TNFRSF9: variants seen among roughly 807,000 people sequenced by gnomAD.
The protein encoded by TNFRSF9 is tumor necrosis factor receptor superfamily member 9.
A neutral mutation model predicts 28.8 loss-of-function variants in TNFRSF9; 16 were observed. The observed-to-expected ratio is 0.55, with a 90% CI of 0.38 to 0.84. TNFRSF9 has a LOEUF of 0.84. Among genes scored for constraint, TNFRSF9 ranks in the 40% least tolerant of loss-of-function variants. TNFRSF9 has a pLI of 0.00. For missense variants in TNFRSF9, 303 were observed against 315.0 expected (o/e 0.96, Z 0.29); for synonymous variants, 131 against 117.0 (o/e 1.12, Z -0.77).
At chr1:7,924,678 C>A (rs1639613960) in intron 7 of TNFRSF9, among the ~76,000 whole-genome samples, 1 of 151,996 alleles carries the variant, frequency 6.6e-6, no homozygotes, top group South Asian at 2.1e-4. Context: ...AATTGTAAAA[C>A]AGCCTCAGGC....
chr1:7,924,238 T>C (rs1285737468), intron 7 of TNFRSF9, among the ~76,000 whole-genome samples: 1 of 149,456 alleles, frequency 6.7e-6, no homozygotes, highest in Non-Finnish European at 1.5e-5. Flanking sequence ...ATGACTATGT[T>C]AGTAGTTTAT....
chr1:7,916,738 A>G lies in TNFRSF9; in HGVS notation c.*4097T>C, dbSNP rs565659134. The stretch of plus-strand genomic sequence containing the variant: ...CTTCCTAAGCTTTGCTTTGCCTACT[A>G]TTTGGCAAGAATTGTACAGCCAATA... On this transcript the variant is annotated 3_prime_UTR_variant, in exon 8 of 8. Transcript: ENST00000377507. 4.6e-5 allele frequency: 7 copies of G among 152,296 alleles called. No homozygotes were observed. The highest frequency in any genetic ancestry group is 1.4e-4 in the African/African-American group (6 of 41,568). 9.4% of individuals were successfully genotyped at this position (152,296 alleles called of 1,614,324 possible). A position where few individuals can be genotyped will look rare whatever the true frequency, so the allele number is the denominator to read the frequency against.
chr1:7,921,628 A>C (rs945341557), intron 7 of TNFRSF9, among the ~76,000 whole-genome samples: 3 of 152,154 alleles, frequency 2.0e-5, no homozygotes, highest in Non-Finnish European at 4.4e-5. Flanking sequence ...AGATTGCGCC[A>C]CTGCACTCCA....
chr1:7,938,695 A>T, intron 3 of TNFRSF9, 26 bp downstream of exon 3: 1 of 1,531,608 alleles, frequency 6.5e-7, no homozygotes, highest in Non-Finnish European at 8.9e-7. Context: ...ATCTTCTAGA[A>T]GAAGAAAATA....
At position 7,917,995 on chromosome 1, in the gene TNFRSF9, G is replaced by C. The variant is rs1390125669; in HGVS notation, c.*2840C>G. The C allele has an allele frequency of 6.7e-6, 1 of 150,010 alleles. No homozygotes were observed. The highest frequency in any genetic ancestry group is 2.5e-5 in the African/African-American group (1 of 40,210). 9.3% of individuals were successfully genotyped at this position (150,010 alleles called of 1,614,324 possible). A position where few individuals can be genotyped will look rare whatever the true frequency, so the allele number is the denominator to read the frequency against. On this transcript the variant is annotated 3_prime_UTR_variant, in exon 8 of 8. Transcript: ENST00000377507. ...ATATATAGATATAGATAGATAGATA[G>C]ATAGATAGGCAGAATTTCACTCTTG...
intron 7 of TNFRSF9, among the ~76,000 whole-genome samples, chr1:7,921,440 G>A (rs535548174): frequency 7.2e-5 from 11 of 152,050 alleles, no homozygotes; most frequent in Middle Eastern, 3.4e-3. Flanking sequence ...GGCTGAGGCC[G>A]GTGGATCACA....
At chr1:7,936,191 G>A (rs748445229) in intron 5 of TNFRSF9, among the ~76,000 whole-genome samples, 5 of 152,074 alleles carry the variant, frequency 3.3e-5, no homozygotes, top group Non-Finnish European at 1.5e-5. Context: ...CAAGGCAAGC[G>A]GATCACTTGA....
At chr1:7,929,011 A>G (rs953948157) in intron 7 of TNFRSF9, among the ~76,000 whole-genome samples, 5 of 152,188 alleles carry the variant, frequency 3.3e-5, no homozygotes, top group African/African-American at 9.7e-5. Context: ...CAACTATCAC[A>G]AAAGATGGCA....
intron 1 of TNFRSF9, among the ~76,000 whole-genome samples, chr1:7,940,378 A>C (rs1461658121): frequency 1.3e-5 from 2 of 152,234 alleles, no homozygotes; most frequent in East Asian, 3.9e-4. Context: ...GGTACTTTGC[A>C]GTACCAACCA....
intron 5 of TNFRSF9, 146 bp downstream of exon 5, chr1:7,937,544 T>C: frequency 1.7e-6 from 1 of 596,018 alleles, no homozygotes. Context: ...TGCTACGACC[T>C]CACAGTGTTC....
chr1:7,940,038 A>G lies in TNFRSF9; in HGVS notation c.-44T>C. 7.1e-7 allele frequency: 1 copy of G among 1,399,676 alleles called. No individual in the cohort carries two copies. The highest frequency in any genetic ancestry group is 1.0e-6 in the Non-Finnish European group (1 of 997,052). 86.7% of individuals were successfully genotyped at this position (1,399,676 alleles called of 1,614,324 possible). On this transcript the variant is annotated 5_prime_UTR_variant, in exon 2 of 8. Transcript: ENST00000377507. ...TATGATACTAGCAAAGCTGATTCCA[A>G]GAGAATTTTAATCAAATTAGCTGGT... is the stretch of plus-strand genomic sequence containing the variant.
chr1:7,938,696 G>A, intron 3 of TNFRSF9, 25 bp downstream of exon 3: 3 of 1,531,998 alleles, frequency 2.0e-6, no homozygotes, highest in Non-Finnish European at 2.7e-6. Flanking sequence ...TCTTCTAGAA[G>A]AAGAAAATAT....
chr1:7,938,491 A>G (rs1240936303), intron 3 of TNFRSF9, among the ~76,000 whole-genome samples, 161 bp from the exon 4 acceptor site: 2 of 152,230 alleles, frequency 1.3e-5, no homozygotes, highest in Non-Finnish European at 2.9e-5. Context: ...TTTTACATTT[A>G]GGTAAGTAAA....
intron 6 of TNFRSF9, among the ~76,000 whole-genome samples, chr1:7,933,972 G>A (rs1310645021): frequency 1.3e-5 from 2 of 151,632 alleles, no homozygotes; most frequent in African/African-American, 2.4e-5. Flanking sequence ...AGCCGAGATT[G>A]CGCCATTGCA....
intron 6 of TNFRSF9, among the ~76,000 whole-genome samples, chr1:7,934,028 A>T (rs1225794952): frequency 6.6e-6 from 1 of 151,714 alleles, no homozygotes. Flanking sequence ...CCCCCCAAAA[A>T]AATAAAAGAA....
chr1:7,935,180 C>T lies in TNFRSF9; in HGVS notation c.414-37G>A, dbSNP rs79302510. On this transcript the variant is annotated intron_variant, in intron 5 of 7. Transcript: ENST00000377507. ...CAATGAAAATAATTTAAATAATTAA[C>T]TTAGGTCCAGAAGATTCTGGTTTAA... 3.7e-6 allele frequency: 6 copies of T among 1,602,076 alleles called. No individual in the cohort carries two copies. In the East Asian group the frequency reaches 1.3e-4, roughly 36 times the overall value.
At chr1:7,927,151 A>T (rs912600366) in intron 7 of TNFRSF9, among the ~76,000 whole-genome samples, 1 of 152,178 alleles carries the variant, frequency 6.6e-6, no homozygotes, top group African/African-American at 2.4e-5. Context: ...ATGATCAAAC[A>T]GCAAAGTGTT....
chr1:7,940,704 T>C (rs1356556614), intron 1 of TNFRSF9, 80 bp downstream of exon 1: 1 of 152,216 alleles, frequency 6.6e-6, no homozygotes, highest in Non-Finnish European at 1.5e-5. Context: ...GGAGAAAAAG[T>C]CTAGAAATGG....
Position 7,933,187 on chromosome 1 carries a change from C to CT in TNFRSF9, c.653dup (p.Lys219GlufsTer24). On this transcript the variant is annotated frameshift_variant, in exon 7 of 8. Coordinates refer to ENST00000377507, the MANE Select transcript of TNFRSF9 (RefSeq NM_001561.6). LOFTEE classifies it high-confidence loss of function. ...GTTGTTTGAATATATACAGGAGTTT[C>CT]TTTCTGCCCCGTTTAACAACAGAGA... 1 of 1,613,812 alleles carries CT rather than the reference C, an allele frequency of 6.2e-7. No homozygotes were observed. The highest frequency in any genetic ancestry group is 8.5e-7 in the Non-Finnish European group (1 of 1,179,884).
Sources: gnomAD v4.1 joint callset for allele counts (sites outside exome capture counted in the v4.1 genomes callset) on GRCh38, gnomAD v4.1.1 for gene constraint, MANE v1.5 for transcripts, NCBI Gene and HGNC (gene_info 2026-07-23, HGNC 2026-07-21) for gene names.